The following PRTG variants were observed in gnomAD, a reference collection of about 807,000 sequenced individuals.
PRTG encodes immunoglobulin superfamily, DCC subclass, member 5.
PRTG carries 67 observed loss-of-function variants against 122.5 expected under a neutral mutation model. The ratio of observed to expected loss-of-function variants is 0.55; its 90% confidence interval spans 0.45 to 0.67. The LOEUF is 0.67. Ranked by LOEUF, PRTG falls within the 30% of genes least tolerant of loss-of-function variation. The pLI is 0.00. For synonymous variants in PRTG, 554 were observed against 501.1 expected (o/e 1.11, Z -1.41); for missense variants, 1,435 against 1,415.4 (o/e 1.01, Z -0.22).
At chr15:55,638,296 T>C (rs896112357) in intron 14 of PRTG, among the ~76,000 whole-genome samples, 1 of 152,178 alleles carries the variant, frequency 6.6e-6, no homozygotes. Flanking sequence ...ACACCTGATC[T>C]TTTTTTAAGG....
intron 1 of PRTG, chr15:55,742,563 A>C: frequency 4.9e-6 from 2 of 404,474 alleles, no homozygotes; most frequent in Non-Finnish European, 8.8e-6. Flanking sequence ...AGCGGCCGCC[A>C]GAACTCCGCA....
At chr15:55,635,400 C>T (rs1320753846) in intron 15 of PRTG, among the ~76,000 whole-genome samples, 2 of 152,116 alleles carry the variant, frequency 1.3e-5, no homozygotes, top group African/African-American at 2.4e-5. Context: ...TCTGTCTTGC[C>T]GTTTTTAGAC....
intron 2 of PRTG, among the ~76,000 whole-genome samples, chr15:55,734,095 C>CAGGT (rs1328161847): frequency 6.6e-6 from 1 of 152,130 alleles, no homozygotes; most frequent in Non-Finnish European, 1.5e-5. Context: ...GGGTAGAGGC[C>CAGGT]AGGGATGCCG....
rs563507773 is a variant in PRTG at position 55,615,245 on chromosome 15, A to G, written c.*4767T>C. On this transcript the variant is annotated 3_prime_UTR_variant, in exon 20 of 20. Transcript: ENST00000389286. Reference sequence around the variant, plus strand: ...CAAGCGCCTTGATTTTGTCCCAGGGAGACCTGTGTTAGACTTCTGATCTGC... The same window carrying G: ...CAAGCGCCTTGATTTTGTCCCAGGGGGACCTGTGTTAGACTTCTGATCTGC... The G allele has an allele frequency of 5.3e-5, 8 of 152,218 alleles. No homozygotes were observed. The highest frequency in any genetic ancestry group is 1.9e-4 in the African/African-American group (8 of 41,568). 9.4% of individuals were successfully genotyped at this position (152,218 alleles called of 1,614,324 possible).
At chr15:55,728,251 T>C (rs1437530702) in intron 2 of PRTG, among the ~76,000 whole-genome samples, 4 of 152,204 alleles carry the variant, frequency 2.6e-5, no homozygotes, top group African/African-American at 4.8e-5. Context: ...GAATATTATA[T>C]AGGGAATATT....
chr15:55,730,381 C>CA (rs1295095397), intron 2 of PRTG, among the ~76,000 whole-genome samples: 2 of 151,746 alleles, frequency 1.3e-5, no homozygotes, highest in African/African-American at 4.8e-5. Flanking sequence ...GGATTACAGG[C>CA]ATGTGCCACA....
intron 2 of PRTG, among the ~76,000 whole-genome samples, chr15:55,734,271 TTC>T (rs1345884452): frequency 3.9e-5 from 6 of 152,186 alleles, no homozygotes; most frequent in Admixed American, 6.5e-5. Context: ...GTCAATCACA[TTC>T]TGAGTAGTTT....
intron 11 of PRTG, among the ~76,000 whole-genome samples, chr15:55,671,680 TA>T (rs1476314664): frequency 6.6e-6 from 1 of 152,096 alleles, no homozygotes; most frequent in Non-Finnish European, 1.5e-5. Flanking sequence ...TGTATTTTTT[TA>T]GTAGAGACAG....
At chr15:55,709,888 T>G (rs1315003867) in intron 2 of PRTG, among the ~76,000 whole-genome samples, 1 of 152,140 alleles carries the variant, frequency 6.6e-6, no homozygotes, top group East Asian at 1.9e-4. Context: ...ATTAAGAAAC[T>G]TTCGGGAGAG....
At chr15:55,695,429 A>AATATT (rs1355054780) in intron 2 of PRTG, among the ~76,000 whole-genome samples, 11 of 152,370 alleles carry the variant, frequency 7.2e-5, no homozygotes, top group African/African-American at 2.6e-4. Flanking sequence ...CTGCAGAGAA[A>AATATT]ATATTATTTA....
intron 2 of PRTG, among the ~76,000 whole-genome samples, chr15:55,732,393 C>T (rs1447585959): frequency 6.6e-6 from 1 of 151,404 alleles, no homozygotes; most frequent in African/African-American, 2.4e-5. Context: ...CCATGTTGGC[C>T]AGGCTGGTCT....
At chr15:55,689,118 C>T (rs1378443327) in intron 2 of PRTG, among the ~76,000 whole-genome samples, 2 of 152,204 alleles carry the variant, frequency 1.3e-5, no homozygotes, top group East Asian at 3.9e-4. Flanking sequence ...TTCTTCCCTT[C>T]CCCTCTTCAA....
chr15:55,729,908 G>A (rs78993121), intron 2 of PRTG, among the ~76,000 whole-genome samples: 11,551 of 152,194 alleles, frequency 0.076, 493 homozygotes, highest in Non-Finnish European at 0.1. Flanking sequence ...CTCCATGCAC[G>A]GAGGATATAC....
chr15:55,738,017 T>TACAC (rs1261017143), intron 2 of PRTG, among the ~76,000 whole-genome samples: 92 of 114,818 alleles, frequency 8.0e-4, no homozygotes, highest in East Asian at 2.4e-3. Flanking sequence ...TATATATATA[T>TACAC]ATATATATAC....
chr15:55,665,049 G>GA (rs527874349), intron 11 of PRTG, among the ~76,000 whole-genome samples: 10 of 152,110 alleles, frequency 6.6e-5, no homozygotes, highest in African/African-American at 2.2e-4. Context: ...ACGAGGTCAG[G>GA]AGATCGAGAC....
At chr15:55,633,945 T>C (rs966620336) in intron 15 of PRTG, among the ~76,000 whole-genome samples, 9 of 152,172 alleles carry the variant, frequency 5.9e-5, no homozygotes, top group African/African-American at 2.2e-4. Context: ...TGTAAAAATC[T>C]GTAACTGTAA....
At chr15:55,711,315 C>T (rs759511287) in intron 2 of PRTG, among the ~76,000 whole-genome samples, 19 of 151,906 alleles carry the variant, frequency 1.3e-4, no homozygotes, top group Non-Finnish European at 2.1e-4. Flanking sequence ...CACTGGGTAC[C>T]ACAGCTTACA....
At chr15:55,687,747 T>C (rs1273223162) in intron 2 of PRTG, among the ~76,000 whole-genome samples, 2 of 152,232 alleles carry the variant, frequency 1.3e-5, no homozygotes, top group Non-Finnish European at 2.9e-5. Flanking sequence ...AACACCTTTA[T>C]ATTTAAAATA....
At chr15:55,658,841 G>C (rs541150007) in intron 11 of PRTG, among the ~76,000 whole-genome samples, 1 of 152,028 alleles carries the variant, frequency 6.6e-6, no homozygotes, top group Non-Finnish European at 1.5e-5. Context: ...TTGTGTTTCT[G>C]TATTGAGTCA....
Sources: gnomAD v4.1 joint callset for allele counts (sites outside exome capture counted in the v4.1 genomes callset) on GRCh38, gnomAD v4.1.1 for gene constraint, MANE v1.5 for transcripts, NCBI Gene and HGNC (gene_info 2026-07-23, HGNC 2026-07-21) for gene names.